Variants in EXOC2 observed in about 807,000 individuals in gnomAD.
The protein encoded by EXOC2 is SEC5-like 1.
In EXOC2, 70 loss-of-function variants were observed where a neutral mutation model predicts 131.8. The ratio of observed to expected loss-of-function variants is 0.53; its 90% CI spans 0.44 to 0.65. The LOEUF (loss-of-function observed/expected upper bound fraction) is 0.65, where lower values mean the gene tolerates loss of function less well. Ranked by LOEUF, EXOC2 falls within the 30% of genes least tolerant of loss-of-function variation. The probability of loss-of-function intolerance (pLI) is 0.00; values close to 1 mark genes in which losing one functional copy is unlikely to be tolerated. For missense variants in EXOC2, 923 were observed against 1,108.6 expected (o/e 0.83, Z 2.38); for synonymous variants, 411 against 398.4 (o/e 1.03, Z -0.38).
chr6:570,913 G>A (rs1758243663), intron 13 of EXOC2, among the ~76,000 whole-genome samples: 2 of 152,148 alleles, frequency 1.3e-5, no homozygotes, highest in Admixed American at 6.5e-5. Flanking sequence ...TGGTGCCTGC[G>A]GTGCCACTAC....
intron 1 of EXOC2, among the ~76,000 whole-genome samples, chr6:671,792 G>A (rs1763884940): frequency 6.6e-6 from 1 of 151,800 alleles, no homozygotes; most frequent in African/African-American, 2.4e-5. Flanking sequence ...TTCCATTCTT[G>A]TCTCCCTTAT....
chr6:618,108 G>A (rs1404516475), intron 5 of EXOC2, among the ~76,000 whole-genome samples: 1 of 152,162 alleles, frequency 6.6e-6, no homozygotes, highest in African/African-American at 2.4e-5. Flanking sequence ...AGAAGTAAAT[G>A]TGTAGATGTT....
chr6:547,858 A>T (rs1168937553), intron 22 of EXOC2, among the ~76,000 whole-genome samples: 1 of 152,198 alleles, frequency 6.6e-6, no homozygotes, highest in African/African-American at 2.4e-5. Flanking sequence ...ATATGAAAAA[A>T]TCTTTTTAAG....
At chr6:596,042 C>T (rs1766835) in intron 10 of EXOC2, among the ~76,000 whole-genome samples, 2 of 151,856 alleles carry the variant, frequency 1.3e-5, no homozygotes, top group Non-Finnish European at 2.9e-5. Flanking sequence ...GGCAAGCTTC[C>T]GTGTTTTCAC....
chr6:667,630 C>T lies in EXOC2; in HGVS notation c.-44+25389G>A, dbSNP rs1220477819. ...CTGCTCTTGAATCACCAGAATGCCA[C>T]GGTCTTCTGAGCTTTGGATTCCCAG... is the stretch of plus-strand genomic sequence containing the variant. On this transcript the variant is annotated intron_variant, in intron 1 of 27. Transcript: ENST00000230449. 5.1e-5 allele frequency among the ~76,000 whole-genome samples: 5 copies of T among 97,104 alleles called. 2 individuals carry two copies. Among genetic ancestry groups the T allele is most frequent in the South Asian group, 3.3e-4 (1 of 2,988 alleles). The allele number at this position is 97,104 out of a possible 152,430, so 63.7% of individuals were successfully genotyped here.
chr6:656,334 A>G (rs747236281), intron 1 of EXOC2: 1 of 1,614,182 alleles, frequency 6.2e-7, no homozygotes, highest in East Asian at 2.2e-5. Context: ...AAGATTTTTA[A>G]AATAACTTTG....
chr6:518,866 G>GTAATT (rs1444337311), intron 23 of EXOC2, among the ~76,000 whole-genome samples: 6 of 152,286 alleles, frequency 3.9e-5, no homozygotes, highest in African/African-American at 1.4e-4. Context: ...CTTCGTAAAT[G>GTAATT]TAATTCAGAA....
At chr6:661,952 T>C (rs1270643766) in intron 1 of EXOC2, among the ~76,000 whole-genome samples, 1 of 151,842 alleles carries the variant, frequency 6.6e-6, no homozygotes, top group Non-Finnish European at 1.5e-5. Flanking sequence ...AGTAAAGGGG[T>C]GGAAAAAGGC....
intron 4 of EXOC2, among the ~76,000 whole-genome samples, chr6:626,895 A>G (rs1441800976): frequency 1.3e-5 from 2 of 152,186 alleles, no homozygotes; most frequent in Non-Finnish European, 2.9e-5. Flanking sequence ...GCCCGGCCGC[A>G]AACTTTTTTA....
At position 679,205 on chromosome 6, in the gene EXOC2, T is replaced by C. The variant is rs1413510675; in HGVS notation, c.-44+13814A>G. On this transcript the variant is annotated intron_variant, in intron 1 of 27. Transcript: ENST00000230449. ...AAGCCAAACAGGAAGTCTGCAAATA[T>C]ATTCAAAATGTCAAAATACAAATAA... The C allele has an allele frequency of 2.6e-5, 4 of 152,032 alleles. No homozygotes were observed. In the East Asian group the frequency reaches 7.7e-4, roughly 29 times the overall value. The allele number at this position is 152,032 out of a possible 1,614,324, so 9.4% of individuals were successfully genotyped here.
At chr6:533,227 T>A (rs916298819) in intron 22 of EXOC2, among the ~76,000 whole-genome samples, 3 of 152,234 alleles carry the variant, frequency 2.0e-5, no homozygotes, top group African/African-American at 4.8e-5. Context: ...CATTCATTTT[T>A]GAAAATACTA....
chr6:639,862 T>G (rs1260833026), intron 1 of EXOC2, among the ~76,000 whole-genome samples: 1 of 152,206 alleles, frequency 6.6e-6, no homozygotes, highest in Non-Finnish European at 1.5e-5. Flanking sequence ...TTAATGTGCA[T>G]GGACTCGCAG....
At chr6:557,097 TG>T (rs1212478339) in intron 17 of EXOC2, among the ~76,000 whole-genome samples, 2 of 152,150 alleles carry the variant, frequency 1.3e-5, no homozygotes, top group African/African-American at 4.8e-5. Context: ...GCCCAACCAA[TG>T]GCATTTCAAG....
chr6:603,821 G>A (rs1223141564), intron 7 of EXOC2, among the ~76,000 whole-genome samples: 1 of 152,074 alleles, frequency 6.6e-6, no homozygotes, highest in East Asian at 1.9e-4. Flanking sequence ...TCCCAAATCT[G>A]TGTTTCAAGA....
intron 1 of EXOC2, among the ~76,000 whole-genome samples, chr6:666,319 T>C (rs1303939842): frequency 1.3e-5 from 2 of 152,218 alleles, no homozygotes; most frequent in African/African-American, 2.4e-5. Context: ...GTCAAAACCA[T>C]TGGAAAATAT....
intron 22 of EXOC2, among the ~76,000 whole-genome samples, chr6:547,326 G>A (rs942050409): frequency 1.3e-5 from 2 of 152,216 alleles, no homozygotes; most frequent in South Asian, 4.1e-4. Context: ...AAGAAAGCAG[G>A]AGGAAATATC....
At chr6:587,248 ATTTT>A (rs199775367) in intron 11 of EXOC2, among the ~76,000 whole-genome samples, 3 of 145,824 alleles carry the variant, frequency 2.1e-5, no homozygotes, top group African/African-American at 7.5e-5. Context: ...AGATATGTGT[ATTTT>A]TTTTTTTTTT....
At chr6:656,915 T>C (rs748140728) in intron 1 of EXOC2, 1 of 1,539,870 alleles carries the variant, frequency 6.5e-7, no homozygotes, top group East Asian at 2.4e-5. Flanking sequence ...CTAGACAGCC[T>C]TTGCCGGTGA....
chr6:486,844 G>A, intron 27 of EXOC2, 80 bp from the exon 28 acceptor site: 1 of 1,055,090 alleles, frequency 9.5e-7, no homozygotes, highest in Non-Finnish European at 1.5e-6. Context: ...GGGAGCCAGT[G>A]CCCGGCTCTG....
Sources: gnomAD v4.1 joint callset for allele counts (sites outside exome capture counted in the v4.1 genomes callset) on GRCh38, gnomAD v4.1.1 for gene constraint, MANE v1.5 for transcripts, NCBI Gene and HGNC (gene_info 2026-07-23, HGNC 2026-07-21) for gene names.